ANPEP: variants seen among roughly 807,000 people sequenced by gnomAD.
The protein encoded by ANPEP is alanyl aminopeptidase, membrane, also known as aminopeptidase N.
ANPEP carries 70 observed loss-of-function variants against 114.6 expected under a neutral mutation model. That is an observed-to-expected ratio of 0.61 (90% CI 0.50 to 0.75). The LOEUF is 0.75. ANPEP is among the 30% of genes least tolerant of loss of function. ANPEP has a pLI of 0.00. For synonymous variants in ANPEP, 548 were observed against 522.3 expected, an observed-to-expected ratio of 1.05 and a Z score of -0.67; for missense variants, 1,184 against 1,259.5, an observed-to-expected ratio of 0.94 and a Z score of 0.91.
chr15:89,812,171 C>T (rs776201983), intron 1 of ANPEP, among the ~76,000 whole-genome samples: 16 of 147,666 alleles, frequency 1.1e-4, no homozygotes, highest in African/African-American at 2.1e-4. Context: ...GCTGAGCACC[C>T]GTGGCCGGGT....
Position 89,806,470 on chromosome 15 carries a change from G to T in ANPEP, c.114C>A (p.Asn38Lys). ...ALSVVYSQEK[N>K]KNANSSPVAS... The stretch of plus-strand genomic sequence containing the variant: ...CCACGGGGGAGCTGTTGGCGTTCTT[G>T]TTCTTCTCCTGGGAGTACACCACTG... The change falls in exon 2 of 21, where the codon AAC (asparagine) becomes AAA (lysine). Residue 38 changes from asparagine (N) to lysine (K), a missense_variant. Asn to Lys is a moderately conservative substitution (Grantham distance 94). Transcript: ENST00000300060. This position sits in a 1 kb window ranked among gnomAD's most constrained non-coding sequence, Gnocchi z 5.7. 1 of 1,614,130 alleles carries T rather than the reference G, an allele frequency of 6.2e-7. No individual in the cohort carries two copies. The highest frequency in any genetic ancestry group is 1.1e-5 in the South Asian group (1 of 91,088).
At chr15:89,787,226 TA>T (rs1185905753) in intron 20 of ANPEP, among the ~76,000 whole-genome samples, 1 of 151,946 alleles carries the variant, frequency 6.6e-6, no homozygotes, top group African/African-American at 2.4e-5. Context: ...TCGTATTTTT[TA>T]GTAGGGACGG....
intron 4 of ANPEP, 70 bp from the exon 5 acceptor site, chr15:89,804,687 G>C (rs2141809580): frequency 6.4e-7 from 1 of 1,573,274 alleles, no homozygotes; most frequent in Non-Finnish European, 8.6e-7. Flanking sequence ...CTGGGTCCCA[G>C]GGCCCAGTGG....
chr15:89,811,059 G>A (rs1033106623), intron 1 of ANPEP, among the ~76,000 whole-genome samples: 5 of 152,204 alleles, frequency 3.3e-5, no homozygotes, highest in South Asian at 4.1e-4. Context: ...TACACCTGGC[G>A]TGCAGTGGGA....
At position 89,806,277 on chromosome 15, in the gene ANPEP, A is replaced by G. The variant is rs368883377; in HGVS notation, c.307T>C (p.Phe103Leu). 1.5e-4 allele frequency: 242 copies of G among 1,613,944 alleles called. No individual in the cohort carries two copies. Among genetic ancestry groups the G allele is most frequent in the Non-Finnish European group, 2.0e-4 (235 of 1,180,014 alleles). The change falls in exon 2 of 21, where the codon TTT (phenylalanine) becomes CTT (leucine). Residue 103 changes from phenylalanine (F) to leucine (L), a missense_variant. Coordinates refer to ENST00000300060, the MANE Select transcript of ANPEP (RefSeq NM_001150.3). The surrounding 1 kb of genome is among the most constrained non-coding windows in gnomAD (Gnocchi z 5.7). ...LTPNDRGLYV[F>L]KGSSTVRFTC... Reference sequence around the variant, plus strand: ...AAACGGACGGTGCTGGAGCCCTTAAAAACGTACAGGCCCCTGTCATTGGGG... The same window carrying G: ...AAACGGACGGTGCTGGAGCCCTTAAGAACGTACAGGCCCCTGTCATTGGGG...
chr15:89,790,813 T>A, intron 19 of ANPEP, 140 bp downstream of exon 19: 2 of 1,132,888 alleles, frequency 1.8e-6, no homozygotes, highest in South Asian at 3.1e-5. Context: ...TTTCCATTCC[T>A]GCCCCACCCT....
intron 1 of ANPEP, among the ~76,000 whole-genome samples, chr15:89,812,322 G>C (rs573932348): frequency 6.6e-6 from 1 of 152,246 alleles, no homozygotes; most frequent in Non-Finnish European, 1.5e-5. Flanking sequence ...TGCTCTGAGG[G>C]AGCAGTGAGC....
Position 89,804,324 on chromosome 15 carries a change from C to T in ANPEP, c.1108G>A (p.Asp370Asn), listed in dbSNP as rs147889608. The T allele has an allele frequency of 2.8e-5, 45 of 1,614,022 alleles. No homozygotes were observed. Among genetic ancestry groups the T allele is most frequent in the African/African-American group, 1.3e-4 (10 of 74,918 alleles). Residue 370 changes from aspartate (D) to asparagine (N), a missense_variant, in exon 6 of 21, where the codon GAC becomes AAC. Asp to Asn is a conservative substitution (Grantham distance 23). Coordinates refer to ENST00000300060, the MANE Select transcript of ANPEP (RefSeq NM_001150.3). ...TTGCTGCTGGAGGAGGACAGGGGGT[C>T]GAACAGCAGGGAGTTCTCCCGGTAG... Reference protein sequence around the residue: ...VTYRENSLLFDPLSSSSSNKE... With the variant: ...VTYRENSLLFNPLSSSSSNKE...
chr15:89,803,379 G>C lies in ANPEP; in HGVS notation c.1503+63C>G. 1 of 1,613,014 alleles carries C rather than the reference G, an allele frequency of 6.2e-7. No homozygotes were observed. Among genetic ancestry groups the C allele is most frequent in the Non-Finnish European group, 8.5e-7 (1 of 1,179,130 alleles). On this transcript the variant is annotated intron_variant, in intron 9 of 20. Coordinates refer to ENST00000300060, the MANE Select transcript of ANPEP (RefSeq NM_001150.3). This position sits in a 1 kb window ranked among gnomAD's most constrained non-coding sequence, Gnocchi z 4.2. The stretch of plus-strand genomic sequence containing the variant: ...CCCCCTCTGTGGTGGGCAGAGGCCC[G>C]GGTCAAGGGCGAGGGGCAGAAGGAG...
chr15:89,803,949 C>T lies in ANPEP; in HGVS notation c.1233G>A (p.Glu411=), dbSNP rs1323635204. Residue 411 remains glutamate (E), a synonymous_variant, in exon 7 of 21, where the codon GAG becomes GAA. Coordinates refer to ENST00000300060, the MANE Select transcript of ANPEP (RefSeq NM_001150.3). This position sits in a 1 kb window ranked among gnomAD's most constrained non-coding sequence, Gnocchi z 4.2. ...IEWWNDLWLN[E]GFASYVEYLG... is the part of the protein sequence containing the mutation. ...GGTACTCCACGTAGGAGGCGAAGCC[C>T]TCGTTCAGCCACAGGTCATTCCACC... 6.2e-6 allele frequency: 10 copies of T among 1,614,062 alleles called. No homozygotes were observed. In the African/African-American group the frequency reaches 8.0e-5, roughly 13 times the overall value.
chr15:89,790,955 G>T lies in ANPEP; in HGVS notation c.2667C>A (p.Asn889Lys). The stretch of plus-strand genomic sequence containing the variant: ...TGACACCCATTCCACAGACTCACTC[G>T]TTAAAAAGCTTCTTCCAGTTGCTCT... The part of the protein sequence containing the change: ...FVQSNWKKLF[N>K]DYGGGSFSFS... The change falls in exon 19 of 21, where the codon AAC (asparagine) becomes AAA (lysine). Residue 889 changes from asparagine to lysine, a missense_variant and splice_region_variant. Physicochemically the swap from Asn to Lys is moderately conservative, Grantham distance 94 (BLOSUM62 0). Transcript: ENST00000300060. The T allele has an allele frequency of 6.2e-7, 1 of 1,613,920 alleles. No individual in the cohort carries two copies. Among genetic ancestry groups the T allele is most frequent in the South Asian group, 1.1e-5 (1 of 91,060 alleles).
Position 89,802,185 on chromosome 15 carries a change from G to A in ANPEP, c.1570-578C>T, listed in dbSNP as rs373239848. ...TCACCTAAGAACGGGGCCACACAGA[G>A]GGCAGAAGAGCATGTGGGGAGGAAC... On this transcript the variant is annotated intron_variant, in intron 10 of 20. Transcript: ENST00000300060. 2.2e-4 allele frequency among the ~76,000 whole-genome samples: 34 copies of A among 152,268 alleles called. No individual in the cohort carries two copies. In the East Asian group the frequency reaches 6.2e-3, roughly 28 times the overall value.
Position 89,790,484 on chromosome 15 carries a change from G to C in ANPEP, c.2727C>G (p.Phe909Leu). 6.2e-7 allele frequency: 1 copy of C among 1,613,970 alleles called. No homozygotes were observed. Among genetic ancestry groups the C allele is most frequent in the Non-Finnish European group, 8.5e-7 (1 of 1,179,884 alleles). Reference protein sequence around the residue: ...SNLIQAVTRRFSTEYELQQLE... With the variant: ...SNLIQAVTRRLSTEYELQQLE... ...CCTGCTGCAGCTCATACTCGGTGGA[G>C]AATCGTCGTGTCACTGCCTGGATGA... Residue 909 changes from phenylalanine to leucine, a missense_variant, in exon 20 of 21, where the codon TTC becomes TTG. By Grantham distance (22) the Phe-to-Leu change is conservative. Coordinates refer to ENST00000300060, the MANE Select transcript of ANPEP (RefSeq NM_001150.3).
At chr15:89,801,824 C>G (rs1464302807) in intron 10 of ANPEP, among the ~76,000 whole-genome samples, 1 of 152,228 alleles carries the variant, frequency 6.6e-6, no homozygotes, top group Non-Finnish European at 1.5e-5. Context: ...CCCAGCAAAT[C>G]TATGAGGCCC....
intron 15 of ANPEP, among the ~76,000 whole-genome samples, chr15:89,793,702 C>CAA (rs56906048): frequency 0.35 from 27,927 of 78,830 alleles, 3,800 homozygotes; most frequent in South Asian, 0.41. Flanking sequence ...GACTCCATCT[C>CAA]AAAAAAAAAA....
chr15:89,811,506 C>T (rs1027405890), intron 1 of ANPEP, among the ~76,000 whole-genome samples: 19 of 151,842 alleles, frequency 1.3e-4, no homozygotes, highest in African/African-American at 3.6e-4. Flanking sequence ...ATTAGCCGGG[C>T]GTGGTGGTGG....
chr15:89,797,652 G>T lies in ANPEP; in HGVS notation c.2080C>A (p.Pro694Thr), dbSNP rs1325517752. The change falls in exon 15 of 21, where the codon CCC becomes ACC. Residue 694 changes from proline to threonine, a missense_variant. Transcript: ENST00000300060. ...AGGCTGCTCAGGGCGGCCTCCCAGG[G>T]CATGTACTGTCTCTCTTCAATCAGG... ...LFLIEERQYM[P>T]WEAALSSLSY... 1 of 1,614,176 alleles carries T rather than the reference G, an allele frequency of 6.2e-7. No individual in the cohort carries two copies. Among genetic ancestry groups the T allele is most frequent in the South Asian group, 1.1e-5 (1 of 91,092 alleles).
chr15:89,788,910 C>T (rs1968563166), intron 20 of ANPEP, among the ~76,000 whole-genome samples: 7 of 151,714 alleles, frequency 4.6e-5, no homozygotes, highest in Admixed American at 4.6e-4. Flanking sequence ...ATGAAGCACC[C>T]CACCCACCCT....
Position 89,804,369 on chromosome 15 carries a change from C to G in ANPEP, c.1063G>C (p.Glu355Gln). The G allele has an allele frequency of 6.2e-7, 1 of 1,614,218 alleles. No homozygotes were observed. Among genetic ancestry groups the G allele is most frequent in the Non-Finnish European group, 8.5e-7 (1 of 1,180,038 alleles). Residue 355 changes from glutamate to glutamine, a missense_variant, in exon 6 of 21, where the codon GAG becomes CAG. Glu to Gln is a conservative substitution (Grantham distance 29). Coordinates refer to ENST00000300060, the MANE Select transcript of ANPEP (RefSeq NM_001150.3). ...CGGTAGGTCACCAGTCCCCAGTTCTCCATGGCGCCGGCGTTGAAGTCTGGC... is the reference window on the plus strand; with the variant it reads ...CGGTAGGTCACCAGTCCCCAGTTCTGCATGGCGCCGGCGTTGAAGTCTGGC... ...GLPDFNAGAM[E>Q]NWGLVTYREN...
Sources: gnomAD v4.1 joint callset for allele counts (sites outside exome capture counted in the v4.1 genomes callset) on GRCh38, gnomAD v4.1.1 for gene constraint, Gnocchi (gnomAD v3.1) non-coding constraint, MANE v1.5 for transcripts, NCBI Gene and HGNC (gene_info 2026-07-23, HGNC 2026-07-21) for gene names.